The following STK10 variants were observed in gnomAD, a reference collection of about 807,000 sequenced individuals.
The protein encoded by STK10 is serine/threonine kinase 10.
Under a neutral mutation model 113.8 loss-of-function variants are expected in STK10, and 78 were observed. That is an observed-to-expected ratio of 0.69 (90% CI 0.57 to 0.83). STK10 has a LOEUF of 0.83. STK10 is among the 40% of genes least tolerant of loss of function. The pLI, the probability that STK10 is intolerant of heterozygous loss-of-function variation, is 0.00. For synonymous variants in STK10, 465 were observed against 494.7 expected (o/e 0.94, Z 0.80); for missense variants, 1,109 against 1,280.1 (o/e 0.87, Z 2.04).
At position 172,044,790 on chromosome 5, in the gene STK10, A is replaced by C. The variant is rs746864245; in HGVS notation, c.*92T>G. On this transcript the variant is annotated 3_prime_UTR_variant, in exon 19 of 19. Transcript: ENST00000176763. The surrounding 1 kb of genome is among the most constrained non-coding windows in gnomAD (Gnocchi z 4.5). ...GGATTTGAGCTGGCACAGACGCAAGAGGGAAAAGGGGTCCTGAGTTACATG... is the reference window on the plus strand; with the variant it reads ...GGATTTGAGCTGGCACAGACGCAAGCGGGAAAAGGGGTCCTGAGTTACATG... The C allele has an allele frequency of 1.3e-6, 2 of 1,599,270 alleles. No individual in the cohort carries two copies. The highest frequency in any genetic ancestry group is 1.7e-6 in the Non-Finnish European group (2 of 1,172,120).
Position 172,133,410 on chromosome 5 carries a change from C to T in STK10, c.322-5989G>A, listed in dbSNP as rs1383812018. Reference sequence around the variant, plus strand: ...CCACATACACCATGTCTTCCTTCCCCTTTGTGAAATAGCCATGAGAACTGG... The same window carrying T: ...CCACATACACCATGTCTTCCTTCCCTTTTGTGAAATAGCCATGAGAACTGG... On this transcript the variant is annotated intron_variant, in intron 2 of 18. Transcript: ENST00000176763. This position sits in a 1 kb window ranked among gnomAD's most constrained non-coding sequence, Gnocchi z 4.9. Among the ~76,000 whole-genome samples the T allele has an allele frequency of 6.6e-6, 1 of 152,204 alleles. No homozygotes were observed. Among genetic ancestry groups the T allele is most frequent in the Non-Finnish European group, 1.5e-5 (1 of 68,036 alleles).
chr5:172,063,004 C>T (rs866453293), intron 13 of STK10, among the ~76,000 whole-genome samples: 7 of 152,244 alleles, frequency 4.6e-5, no homozygotes, highest in African/African-American at 7.2e-5. Flanking sequence ...AATCCCAGCA[C>T]GTTGGGAGAC....
intron 12 of STK10, among the ~76,000 whole-genome samples, chr5:172,068,360 T>C (rs1187154649): frequency 2.7e-5 from 4 of 149,372 alleles, no homozygotes; most frequent in African/African-American, 9.8e-5. Context: ...AGTGCTGAGA[T>C]AGGTATGTCT....
At chr5:172,123,571 C>T (rs1310041604) in intron 3 of STK10, among the ~76,000 whole-genome samples, 1 of 152,230 alleles carries the variant, frequency 6.6e-6, no homozygotes, top group African/African-American at 2.4e-5. Context: ...GGGGTGCTAG[C>T]TGGCTTCCAT....
chr5:172,064,921 A>G, intron 12 of STK10, 109 bp from the exon 13 acceptor site: 1 of 1,233,104 alleles, frequency 8.1e-7, no homozygotes, highest in South Asian at 1.3e-5. Context: ...GAAGAGGCTC[A>G]GCTTTGCAGC....
chr5:172,122,416 A>G (rs925325430), intron 3 of STK10, among the ~76,000 whole-genome samples: 2 of 152,114 alleles, frequency 1.3e-5, no homozygotes, highest in Non-Finnish European at 2.9e-5. Flanking sequence ...GCCTTTTTCT[A>G]AAGTGTCATA....
intron 15 of STK10, chr5:172,056,995 G>GAAAGAGAGAGAA (rs1157626941): frequency 1.4e-5 from 1 of 69,664 alleles, no homozygotes; most frequent in African/African-American, 6.1e-5. Context: ...AAGAAAGAAA[G>GAAAGAGAGAGAA]AGAAAGAAGG....
At position 172,111,695 on chromosome 5, in the gene STK10, C is replaced by T. The variant is rs78325202; in HGVS notation, c.521-3843G>A. On this transcript the variant is annotated intron_variant, in intron 4 of 18. Coordinates refer to ENST00000176763, the MANE Select transcript of STK10 (RefSeq NM_005990.4). ...TAAAATGTATTAGAGACAAGGGCGG[C>T]GGAGATAAGGGAAATCTCCCTTTCT... Among the ~76,000 whole-genome samples, 1,150 of 152,320 alleles carry T rather than the reference C, an allele frequency of 7.5e-3. 16 individuals carry two copies. The highest frequency in any genetic ancestry group is 0.025 in the African/African-American group (1,050 of 41,570).
At chr5:172,103,877 C>A (rs1188145022) in intron 7 of STK10, among the ~76,000 whole-genome samples, 4 of 152,228 alleles carry the variant, frequency 2.6e-5, no homozygotes, top group Admixed American at 6.5e-5. Flanking sequence ...AGTAAGGGGA[C>A]TGCTGCTATT....
rs142251748 is a variant in STK10, at chr5:172,053,194, G to A, written c.2653-152C>T. ...AATCCCATTTATTCAAACTCTATACGTAAATCACATGCACCAAGAAGTGCC... is the reference window on the plus strand; with the variant it reads ...AATCCCATTTATTCAAACTCTATACATAAATCACATGCACCAAGAAGTGCC... On this transcript the variant is annotated intron_variant, in intron 17 of 18. Coordinates refer to ENST00000176763, the MANE Select transcript of STK10 (RefSeq NM_005990.4). 95 of 629,964 alleles carry A rather than the reference G, an allele frequency of 1.5e-4. No individual in the cohort carries two copies. The Middle Eastern group carries it at 3.3e-3, about 22-fold the overall frequency. 39.0% of individuals were successfully genotyped at this position (629,964 alleles called of 1,614,324 possible).
chr5:172,060,025 G>A (rs1767898847), intron 14 of STK10, among the ~76,000 whole-genome samples: 1 of 152,300 alleles, frequency 6.6e-6, no homozygotes, highest in South Asian at 2.1e-4. Flanking sequence ...CCCCTGAGGT[G>A]AGGGTATTAG....
Position 172,133,009 on chromosome 5 carries a change from TG to T in STK10, c.322-5589del, listed in dbSNP as rs1456931225. ...AGTTTTGAAGGGTGAATTTACCACG[TG>T]GGGAAGGGTAAAGGCACTCCTGGCA... On this transcript the variant is annotated intron_variant, in intron 2 of 18. Transcript: ENST00000176763. The surrounding 1 kb of genome is among the most constrained non-coding windows in gnomAD (Gnocchi z 4.9). Among the ~76,000 whole-genome samples the T allele has an allele frequency of 6.6e-6, 1 of 151,988 alleles. No individual in the cohort carries two copies. The highest frequency in any genetic ancestry group is 1.5e-5 in the Non-Finnish European group (1 of 67,974).
intron 1 of STK10, among the ~76,000 whole-genome samples, chr5:172,173,663 C>T (rs1377320176): frequency 4.6e-5 from 7 of 152,178 alleles, no homozygotes. Flanking sequence ...CAAACTGAGG[C>T]TGATCCCAGA....
intron 12 of STK10, among the ~76,000 whole-genome samples, chr5:172,075,723 G>C (rs546647104): frequency 1.3e-5 from 2 of 152,264 alleles, no homozygotes; most frequent in South Asian, 4.1e-4. Flanking sequence ...CATATGGGTA[G>C]CAAGTGAGCA....
At chr5:172,152,286 T>TGCATTCAGAAATGGG (rs1433050735) in intron 2 of STK10, among the ~76,000 whole-genome samples, 1 of 152,240 alleles carries the variant, frequency 6.6e-6, no homozygotes, top group African/African-American at 2.4e-5. Flanking sequence ...TGGACATATG[T>TGCATTCAGAAATGGG]GCATTCAGAA....
chr5:172,051,315 A>G (rs147877194), intron 18 of STK10, among the ~76,000 whole-genome samples: 24,706 of 152,128 alleles, frequency 0.16, 2,659 homozygotes, highest in East Asian at 0.33. Context: ...AAGGCAGGAG[A>G]ATCACTTGAA....
At position 172,082,112 on chromosome 5, in the gene STK10, T is replaced by C. The variant is rs1396325442; in HGVS notation, c.1989+214A>G. On this transcript the variant is annotated intron_variant, in intron 12 of 18. Coordinates refer to ENST00000176763, the MANE Select transcript of STK10 (RefSeq NM_005990.4). The surrounding 1 kb of genome is among the most constrained non-coding windows in gnomAD (Gnocchi z 4.3). ...TGAGGCCACAGGGTGAGGCCTGCCCTGAGCCATAGCAACACAGAGGAAAGC... is the reference window on the plus strand; with the variant it reads ...TGAGGCCACAGGGTGAGGCCTGCCCCGAGCCATAGCAACACAGAGGAAAGC... Among the ~76,000 whole-genome samples, 4 of 152,168 alleles carry C rather than the reference T, an allele frequency of 2.6e-5. No individual in the cohort carries two copies. Among genetic ancestry groups the C allele is most frequent in the Non-Finnish European group, 5.9e-5 (4 of 68,032 alleles).
At chr5:172,152,445 T>C (rs1257283818) in intron 2 of STK10, among the ~76,000 whole-genome samples, 1 of 151,798 alleles carries the variant, frequency 6.6e-6, no homozygotes, top group Non-Finnish European at 1.5e-5. Context: ...AGGATGGGGG[T>C]AGCTATTAGC....
In STK10 at chr5:172,055,689, T is replaced by C; in HGVS notation, c.2425A>G (p.Ile809Val). 6.3e-7 allele frequency: 1 copy of C among 1,586,992 alleles called. No homozygotes were observed. The highest frequency in any genetic ancestry group is 8.6e-7 in the Non-Finnish European group (1 of 1,164,468). ...CGCGTCTTGCCCTCACTCCTCTGGATCTTGGGCAGCCGCGCCTTTTCCTGT... is the reference window on the plus strand; with the variant it reads ...CGCGTCTTGCCCTCACTCCTCTGGACCTTGGGCAGCCGCGCCTTTTCCTGT... The part of the protein sequence containing the change: ...QQQEKARLPK[I>V]QRSEGKTRMA... The change falls in exon 16 of 19, where the codon ATC becomes GTC. Residue 809 changes from isoleucine to valine, a missense_variant. This residue lies in a region of STK10 where 885 missense variants were observed against 991.1 expected (regional missense o/e 0.89). Coordinates refer to ENST00000176763, the MANE Select transcript of STK10 (RefSeq NM_005990.4).
Sources: allele counts gnomAD v4.1 joint callset (sites outside exome capture counted in the v4.1 genomes callset), GRCh38; gene constraint gnomAD v4.1.1; regional missense constraint gnomAD v4.1.1; non-coding constraint Gnocchi (gnomAD v3.1); transcripts MANE v1.5; gene names NCBI Gene and HGNC (gene_info 2026-07-23, HGNC 2026-07-21).